The following C2orf42 variants were observed in gnomAD, a reference collection of about 807,000 sequenced individuals.
C2orf42 encodes the protein uncharacterized protein C2orf42.
In C2orf42, 44 loss-of-function variants were observed where a neutral mutation model predicts 58.9. The ratio of observed to expected loss-of-function variants is 0.75; its 90% confidence interval spans 0.59 to 0.96. The LOEUF is 0.96. Among genes scored for constraint, C2orf42 ranks in the 40% least tolerant of loss-of-function variants. The pLI is 0.00. For missense variants in C2orf42, 630 were observed against 699.2 expected (o/e 0.90, Z 1.12); for synonymous variants, 239 against 265.4 (o/e 0.90, Z 0.97).
chr2:70,156,219 T>C (rs1227524565), intron 9 of C2orf42, among the ~76,000 whole-genome samples: 1 of 151,918 alleles, frequency 6.6e-6, no homozygotes, highest in African/African-American at 2.4e-5. Context: ...ACGTAGTCCA[T>C]TTAGCAAAAA....
At chr2:70,177,846 G>C (rs1674293071) in intron 4 of C2orf42, among the ~76,000 whole-genome samples, 1 of 152,048 alleles carries the variant, frequency 6.6e-6, no homozygotes, top group South Asian at 2.1e-4. Flanking sequence ...GACCAGCCTG[G>C]TCAACACAGT....
chr2:70,160,667 G>A lies in C2orf42; in HGVS notation c.1474C>T (p.Pro492Ser), dbSNP rs755115145. 1 of 1,611,466 alleles carries A rather than the reference G, an allele frequency of 6.2e-7. No homozygotes were observed. The highest frequency in any genetic ancestry group is 8.5e-7 in the Non-Finnish European group (1 of 1,179,286). ...AETYGRIEKQ[P>S]VLRPLELKTF... is the part of the protein sequence containing the mutation. ...TTTAGTTCCAAGGGTCGCAGCACTG[G>A]TTGTTTTTCTATACGACCGTAGGTT... Residue 492 changes from proline to serine, a missense_variant, in exon 9 of 10, where the codon CCA (proline) becomes TCA (serine). Pro to Ser is a moderately conservative substitution (Grantham distance 74). Transcript: ENST00000264434.
intron 1 of C2orf42, among the ~76,000 whole-genome samples, chr2:70,184,732 C>T (rs939092470): frequency 1.3e-4 from 20 of 151,802 alleles, no homozygotes; most frequent in African/African-American, 4.3e-4. Flanking sequence ...CCTCCTGCCT[C>T]GGCCTCCCAA....
Position 70,181,866 on chromosome 2 carries a change from C to G in C2orf42, c.120G>C (p.Leu40=), listed in dbSNP as rs764069658. Reference sequence around the variant, plus strand: ...TTCCACATGTCTTGTTCTTACAGCTCAGTCCCCGGGTTCCATTGTATGTGC... The same window carrying G: ...TTCCACATGTCTTGTTCTTACAGCTGAGTCCCCGGGTTCCATTGTATGTGC... The part of the protein sequence containing the change: ...RCGTYNGTRG[L]SCKNKTCGTI... The change falls in exon 3 of 10, where the codon CTG becomes CTC. Residue 40 remains leucine (L), a synonymous_variant. Transcript: ENST00000264434. The G allele has an allele frequency of 6.2e-7, 1 of 1,614,056 alleles. No individual in the cohort carries two copies. The highest frequency in any genetic ancestry group is 1.1e-5 in the South Asian group (1 of 91,078).
At chr2:70,183,152 T>C (rs67587359) in intron 1 of C2orf42, among the ~76,000 whole-genome samples, 11,458 of 152,170 alleles carry the variant, frequency 0.075, 469 homozygotes, top group East Asian at 0.18. Context: ...AAGAACACTT[T>C]AGAGGTCTGG....
chr2:70,177,704 G>A (rs1228310278), intron 4 of C2orf42, among the ~76,000 whole-genome samples: 1 of 152,154 alleles, frequency 6.6e-6, no homozygotes, highest in African/African-American at 2.4e-5. Flanking sequence ...ATGCCAGAGA[G>A]CCTGGATTTT....
At chr2:70,171,634 C>T (rs1352162092) in intron 5 of C2orf42, among the ~76,000 whole-genome samples, 2 of 151,950 alleles carry the variant, frequency 1.3e-5, no homozygotes, top group African/African-American at 4.8e-5. Flanking sequence ...CTTCAGCCTC[C>T]TGAGTAGCTG....
At chr2:70,171,904 G>T (rs1256287400) in intron 5 of C2orf42, among the ~76,000 whole-genome samples, 1 of 151,880 alleles carries the variant, frequency 6.6e-6, no homozygotes, top group African/African-American at 2.4e-5. Context: ...ATTTAATGGA[G>T]CCAGAGTTTA....
At chr2:70,162,778 T>C (rs1673143161) in intron 8 of C2orf42, among the ~76,000 whole-genome samples, 1 of 152,210 alleles carries the variant, frequency 6.6e-6, no homozygotes, top group African/African-American at 2.4e-5. Context: ...ATGTAAATTC[T>C]GTAGCTATCA....
chr2:70,166,131 C>T (rs191785017), intron 6 of C2orf42, among the ~76,000 whole-genome samples: 3 of 151,886 alleles, frequency 2.0e-5, no homozygotes, highest in Admixed American at 2.0e-4. Context: ...CCTCGTGATC[C>T]ACCCACCTCG....
Position 70,160,667 on chromosome 2 carries a change from G to C in C2orf42, c.1474C>G (p.Pro492Ala). ...AETYGRIEKQPVLRPLELKTF... is the reference protein window; with the variant it reads ...AETYGRIEKQAVLRPLELKTF... ...TTTAGTTCCAAGGGTCGCAGCACTG[G>C]TTGTTTTTCTATACGACCGTAGGTT... The change falls in exon 9 of 10, where the codon CCA becomes GCA. Residue 492 changes from proline to alanine, a missense_variant. Transcript: ENST00000264434. 4 of 1,611,466 alleles carry C rather than the reference G, an allele frequency of 2.5e-6. No homozygotes were observed. Among genetic ancestry groups the C allele is most frequent in the Non-Finnish European group, 3.4e-6 (4 of 1,179,286 alleles).
intron 9 of C2orf42, among the ~76,000 whole-genome samples, chr2:70,157,767 C>A (rs547418321): frequency 6.6e-6 from 1 of 150,942 alleles, no homozygotes; most frequent in Non-Finnish European, 1.5e-5. Flanking sequence ...ACTGCACTCC[C>A]GCCTGGGTGA....
intron 2 of C2orf42, 133 bp from the exon 3 acceptor site, chr2:70,182,130 C>T (rs1210919574): frequency 2.2e-5 from 13 of 587,614 alleles, no homozygotes; most frequent in Middle Eastern, 4.6e-4. Flanking sequence ...GACGGAGTCT[C>T]GCTCTGTCGC....
intron 5 of C2orf42, 62 bp downstream of exon 5, chr2:70,175,611 C>T: frequency 1.0e-6 from 1 of 956,638 alleles, no homozygotes; most frequent in Non-Finnish European, 1.7e-6. Flanking sequence ...GATTATACTG[C>T]TTCTGGCTTC....
At chr2:70,169,453 T>C in intron 6 of C2orf42, 104 bp downstream of exon 6, 1 of 551,516 alleles carries the variant, frequency 1.8e-6, no homozygotes, top group Non-Finnish European at 3.3e-6. Flanking sequence ...CAGTGCTCTC[T>C]GGACTGAAGT....
At chr2:70,182,044 A>G (rs1674616702) in intron 2 of C2orf42, 47 bp from the exon 3 acceptor site, 2 of 828,328 alleles carry the variant, frequency 2.4e-6, no homozygotes, top group African/African-American at 1.7e-5. Context: ...CTTCACACAC[A>G]AAAAGTTAAA....
At chr2:70,189,783 T>C (rs551089550) in intron 1 of C2orf42, among the ~76,000 whole-genome samples, 43 of 151,674 alleles carry the variant, frequency 2.8e-4, no homozygotes, top group Admixed American at 5.9e-4. Context: ...TCCCAGCACT[T>C]TGGGAGGCTG....
At chr2:70,166,411 A>C (rs537031485) in intron 6 of C2orf42, among the ~76,000 whole-genome samples, 1 of 146,872 alleles carries the variant, frequency 6.8e-6, no homozygotes, top group Non-Finnish European at 1.5e-5. Flanking sequence ...CACACCTGTA[A>C]TCCCAGCACT....
intron 5 of C2orf42, among the ~76,000 whole-genome samples, chr2:70,170,019 A>G (rs1481826744): frequency 6.6e-6 from 1 of 151,922 alleles, no homozygotes; most frequent in Non-Finnish European, 1.5e-5. Context: ...TCGGCCTCCC[A>G]AAGTGTAGGG....
Sources: allele counts gnomAD v4.1 joint callset (sites outside exome capture counted in the v4.1 genomes callset), GRCh38; gene constraint gnomAD v4.1.1; transcripts MANE v1.5; gene names NCBI Gene and HGNC (gene_info 2026-07-23, HGNC 2026-07-21).